The following TMED6 variants were observed in gnomAD, a reference collection of about 807,000 sequenced individuals.
TMED6 encodes the protein transmembrane emp24 domain-containing protein 6.
Under a neutral mutation model 26.5 loss-of-function variants are expected in TMED6, and 17 were observed. The ratio of observed to expected loss-of-function variants is 0.64; its 90% CI spans 0.44 to 0.96. TMED6 has a LOEUF of 0.96. TMED6 is among the 40% of genes least tolerant of loss of function. TMED6 has a pLI of 0.00. For missense variants in TMED6, 309 were observed against 296.5 expected (o/e 1.04, Z -0.31); for synonymous variants, 107 against 106.2 (o/e 1.01, Z -0.04).
intron 3 of TMED6, among the ~76,000 whole-genome samples, chr16:69,345,155 T>G (rs2012663600): frequency 6.6e-6 from 1 of 152,112 alleles, no homozygotes; most frequent in Non-Finnish European, 1.5e-5. Context: ...CACACGCCTG[T>G]AGTCCCAGCT....
chr16:69,348,489 G>T (rs1027831352), intron 2 of TMED6: 1 of 152,018 alleles, frequency 6.6e-6, no homozygotes, highest in Non-Finnish European at 1.5e-5. Flanking sequence ...GGGGTGGGGA[G>T]CGGGTGGGAA....
intron 3 of TMED6, among the ~76,000 whole-genome samples, chr16:69,344,493 C>T (rs999946707): frequency 2.0e-5 from 3 of 152,042 alleles, no homozygotes; most frequent in African/African-American, 7.3e-5. Context: ...TGAAAAGTGG[C>T]CGGGTGCAGT....
At chr16:69,343,995 A>AT (rs72414863) in intron 3 of TMED6, among the ~76,000 whole-genome samples, 236 of 143,834 alleles carry the variant, frequency 1.6e-3, no homozygotes, top group Middle Eastern at 3.6e-3. Flanking sequence ...CACCCAGCTA[A>AT]TTTTTTTTTT....
intron 3 of TMED6, among the ~76,000 whole-genome samples, chr16:69,344,133 TTTG>T (rs1319268775): frequency 1.3e-5 from 2 of 152,104 alleles, no homozygotes; most frequent in African/African-American, 4.8e-5. Flanking sequence ...GCCCCGGCCT[TTTG>T]TTTTGTTTTT....
chr16:69,348,696 G>A (rs1335358855), intron 2 of TMED6, among the ~76,000 whole-genome samples: 1 of 152,006 alleles, frequency 6.6e-6, no homozygotes, highest in Non-Finnish European at 1.5e-5. Flanking sequence ...GCCCACTGCA[G>A]TCTCTGCCTC....
At chr16:69,346,176 C>G (rs1382451840) in intron 3 of TMED6, among the ~76,000 whole-genome samples, 2 of 152,198 alleles carry the variant, frequency 1.3e-5, no homozygotes, top group African/African-American at 4.8e-5. Flanking sequence ...AACCTTCATA[C>G]ACTGCTAGCA....
At chr16:69,350,263 C>T (rs1371630927) in intron 1 of TMED6, among the ~76,000 whole-genome samples, 1 of 142,640 alleles carries the variant, frequency 7.0e-6, no homozygotes, top group Admixed American at 6.9e-5. Context: ...CAGAGCAACA[C>T]TCTGTCAAAA....
At chr16:69,343,717 C>G (rs1260480884) in intron 3 of TMED6, 77 bp from the exon 4 acceptor site, 3 of 1,115,684 alleles carry the variant, frequency 2.7e-6, no homozygotes, top group Non-Finnish European at 2.7e-6. Context: ...TAGCACTAAC[C>G]TATCTCAAGT....
intron 3 of TMED6, among the ~76,000 whole-genome samples, chr16:69,344,013 T>C (rs2012637309): frequency 6.6e-6 from 1 of 151,854 alleles, no homozygotes; most frequent in African/African-American, 2.4e-5. Flanking sequence ...TTTTTTTTAT[T>C]GTAGAGACAG....
chr16:69,343,533 G>C lies in TMED6; in HGVS notation c.597C>G (p.Asn199Lys), dbSNP rs529319814. 1 of 1,614,180 alleles carries C rather than the reference G, an allele frequency of 6.2e-7. No homozygotes were observed. Among genetic ancestry groups the C allele is most frequent in the African/African-American group, 1.3e-5 (1 of 75,040 alleles). The change falls in exon 4 of 4, where the codon AAC becomes AAG. Residue 199 changes from asparagine (N) to lysine (K), a missense_variant. Transcript: ENST00000288025. ...ADFFLIQSNY[N>K]YVNWWSTAQS... ...GGGCTGTCGACCACCAGTTCACGTA[G>C]TTATAGTTTGATTGGATAAGGAAAA...
chr16:69,345,709 A>T (rs1191406097), intron 3 of TMED6, among the ~76,000 whole-genome samples: 1 of 149,538 alleles, frequency 6.7e-6, no homozygotes, highest in Admixed American at 6.7e-5. Context: ...AAAAAAAAGT[A>T]AAATGGGCAA....
At position 69,349,629 on chromosome 16, in the gene TMED6, G is replaced by A; in HGVS notation, c.236C>T (p.Ser79Leu). Residue 79 changes from serine (S) to leucine (L), a missense_variant, in exon 2 of 4, where the codon TCA becomes TTA. Coordinates refer to ENST00000288025, the MANE Select transcript of TMED6 (RefSeq NM_144676.4). ...SYEVQRTVGM[S>L]HDRHVAATAH... ...CGTGGCAGCAACATGCCGGTCATGTGACATCCCCACTGTCCGCTGAACCTG... is the reference window on the plus strand; with the variant it reads ...CGTGGCAGCAACATGCCGGTCATGTAACATCCCCACTGTCCGCTGAACCTG... 2 of 1,613,836 alleles carry A rather than the reference G, an allele frequency of 1.2e-6. No homozygotes were observed. Among genetic ancestry groups the A allele is most frequent in the South Asian group, 2.2e-5 (2 of 91,040 alleles).
chr16:69,351,525 C>T lies in TMED6; in HGVS notation c.213+16G>A. On this transcript the variant is annotated intron_variant, in intron 1 of 3. Transcript: ENST00000288025. ...GAAAAAAAAAAGCCCCCCAGTATGG[C>T]CAGTCACCCACATACCTCGTAACTG... 1 of 1,611,802 alleles carries T rather than the reference C, an allele frequency of 6.2e-7. No individual in the cohort carries two copies. Among genetic ancestry groups the T allele is most frequent in the Non-Finnish European group, 8.5e-7 (1 of 1,178,244 alleles).
At chr16:69,347,352 C>T (rs1395361068) in intron 3 of TMED6, among the ~76,000 whole-genome samples, 1 of 152,142 alleles carries the variant, frequency 6.6e-6, no homozygotes, top group Non-Finnish European at 1.5e-5. Context: ...GATGGAATTT[C>T]AAGAGCTTCA....
At position 69,347,865 on chromosome 16, in the gene TMED6, C is replaced by A; in HGVS notation, c.412G>T (p.Val138Phe). The change falls in exon 3 of 4, where the codon GTC becomes TTC. Residue 138 changes from valine (V) to phenylalanine (F), a missense_variant. Physicochemically the swap from Val to Phe is conservative, Grantham distance 50. Transcript: ENST00000288025. ...GSVQVYLNFG[V>F]FYEGPETDHK... ...TCAGTCTCAGGCCCCTCATAGAAGA[C>A]CCCAAAGTTGAGGTACACTTGCACA... 6.2e-7 allele frequency: 1 copy of A among 1,614,144 alleles called. No individual in the cohort carries two copies. Among genetic ancestry groups the A allele is most frequent in the Non-Finnish European group, 8.5e-7 (1 of 1,180,020 alleles).
At chr16:69,348,164 A>AC (rs1185750290) in intron 2 of TMED6, 4 of 424,722 alleles carry the variant, frequency 9.4e-6, no homozygotes, top group Non-Finnish European at 1.3e-5. Flanking sequence ...TTCTTTCCAT[A>AC]CTGGGTAGTG....
intron 3 of TMED6, among the ~76,000 whole-genome samples, chr16:69,344,778 A>AAAAAAAAG (rs984737401): frequency 6.8e-6 from 1 of 146,152 alleles, no homozygotes; most frequent in Non-Finnish European, 1.5e-5. Flanking sequence ...GTCTCAACAA[A>AAAAAAAAG]AAAAAAAGAA....
rs781218687 is a variant in TMED6 at position 69,349,599 on chromosome 16, T to A, written c.266A>T (p.His89Leu). The stretch of plus-strand genomic sequence containing the variant: ...GTCTATGAGAAATCCCTGTGGGTTA[T>A]GTGCCGTGGCAGCAACATGCCGGTC... ...SHDRHVAATA[H>L]NPQGFLIDTS... Residue 89 changes from histidine (H) to leucine (L), a missense_variant, in exon 2 of 4, where the codon CAT (histidine) becomes CTT (leucine). His to Leu is a moderately conservative substitution (Grantham distance 99). Coordinates refer to ENST00000288025, the MANE Select transcript of TMED6 (RefSeq NM_144676.4). 15 of 1,614,094 alleles carry A rather than the reference T, an allele frequency of 9.3e-6. No individual in the cohort carries two copies. The East Asian group carries it at 1.1e-4, about 12-fold the overall frequency.
At chr16:69,350,269 CAA>C (rs532374926) in intron 1 of TMED6, among the ~76,000 whole-genome samples, 37 of 70,114 alleles carry the variant, frequency 5.3e-4, no homozygotes, top group Admixed American at 8.4e-4. Flanking sequence ...AACACTCTGT[CAA>C]AAAAAAAAAA....
Sources: allele counts gnomAD v4.1 joint callset (sites outside exome capture counted in the v4.1 genomes callset), GRCh38; gene constraint gnomAD v4.1.1; transcripts MANE v1.5; gene names NCBI Gene and HGNC (gene_info 2026-07-23, HGNC 2026-07-21).